The following GRIK1 variants were observed in gnomAD, a reference collection of about 807,000 sequenced individuals.
GRIK1 encodes glutamate receptor ionotropic, kainate 1.
In GRIK1, 69 loss-of-function variants were observed where a neutral mutation model predicts 105.7. The ratio of observed to expected loss-of-function variants is 0.65; its 90% CI spans 0.54 to 0.80. The LOEUF (loss-of-function observed/expected upper bound fraction) is 0.80, where lower values mean the gene tolerates loss of function less well. GRIK1 is among the 30% of genes least tolerant of loss of function. The probability of loss-of-function intolerance (pLI) is 0.00; values close to 1 mark genes in which losing one functional copy is unlikely to be tolerated. For synonymous variants in GRIK1, 438 were observed against 431.3 expected, an observed-to-expected ratio of 1.02 and a Z score of -0.19; for missense variants, 1,109 against 1,167.3, an observed-to-expected ratio of 0.95 and a Z score of 0.73.
chr21:29,733,582 A>T (rs1175289178), intron 1 of GRIK1, among the ~76,000 whole-genome samples: 1 of 152,080 alleles, frequency 6.6e-6, no homozygotes, highest in Non-Finnish European at 1.5e-5. Context: ...AATTATATTC[A>T]TTAAACTAAA....
At chr21:29,789,936 T>C (rs980607669) in intron 1 of GRIK1, among the ~76,000 whole-genome samples, 5 of 152,248 alleles carry the variant, frequency 3.3e-5, no homozygotes, top group Admixed American at 2.6e-4. Context: ...TAAGCTGTAT[T>C]CAATGCTCAC....
rs150911443 is a variant in GRIK1 at position 29,746,530 on chromosome 21, T to C, written c.119-52467A>G. On this transcript the variant is annotated intron_variant, in intron 1 of 17. Coordinates refer to ENST00000327783, the MANE Select transcript of GRIK1 (RefSeq NM_001330994.2). ...CTCATTTTCTCTGTCTACACACATG[T>C]GCACACTAACACATGTATTGATATC... 1.9e-3 allele frequency among the ~76,000 whole-genome samples: 297 copies of C among 152,376 alleles called. 1 individual carries two copies. Among genetic ancestry groups the C allele is most frequent in the African/African-American group, 6.8e-3 (284 of 41,594 alleles).
intron 1 of GRIK1, among the ~76,000 whole-genome samples, chr21:29,836,306 T>C (rs931922538): frequency 1.3e-5 from 2 of 152,128 alleles, no homozygotes; most frequent in Admixed American, 6.6e-5. Context: ...AGGATAGCTA[T>C]GTAAAAGTAC....
At chr21:29,749,763 A>G (rs770551161) in intron 1 of GRIK1, among the ~76,000 whole-genome samples, 40 of 152,222 alleles carry the variant, frequency 2.6e-4, no homozygotes, top group Non-Finnish European at 3.2e-4. Context: ...AACTGCTTAT[A>G]TATTTCAACT....
At chr21:29,547,022 C>T (rs901265693) in intron 16 of GRIK1, among the ~76,000 whole-genome samples, 4 of 152,198 alleles carry the variant, frequency 2.6e-5, no homozygotes, top group African/African-American at 7.2e-5. Context: ...CCTATGAGGT[C>T]CAGTCTCATT....
At chr21:29,937,608 T>C (rs1359686088) in intron 1 of GRIK1, among the ~76,000 whole-genome samples, 2 of 152,144 alleles carry the variant, frequency 1.3e-5, no homozygotes, top group Non-Finnish European at 2.9e-5. Context: ...GTGGGGGATA[T>C]AGGAAAGGAA....
intron 7 of GRIK1, among the ~76,000 whole-genome samples, chr21:29,615,351 T>C (rs1018772570): frequency 8.8e-5 from 13 of 147,504 alleles, no homozygotes; most frequent in African/African-American, 3.0e-4. Context: ...TTGCTCTCTC[T>C]CAGGCTGGAG....
At chr21:29,561,480 C>G (rs2090478182) in intron 15 of GRIK1, 144 bp downstream of exon 15, 2 of 605,664 alleles carry the variant, frequency 3.3e-6, no homozygotes, top group Non-Finnish European at 3.0e-6. Flanking sequence ...TGTCTCTGAT[C>G]TATATGGATG....
At chr21:29,789,932 G>C (rs553481406) in intron 1 of GRIK1, among the ~76,000 whole-genome samples, 270 of 152,338 alleles carry the variant, frequency 1.8e-3, no homozygotes, top group African/African-American at 6.4e-3. Context: ...CCCATAAGCT[G>C]TATTCAATGC....
chr21:29,673,604 G>A (rs1055716879), intron 3 of GRIK1, among the ~76,000 whole-genome samples: 4 of 152,138 alleles, frequency 2.6e-5, no homozygotes, highest in African/African-American at 4.8e-5. Context: ...CTTTTATTAA[G>A]TATTTATATA....
intron 1 of GRIK1, among the ~76,000 whole-genome samples, chr21:29,806,712 G>A (rs112213038): frequency 2.0e-4 from 31 of 152,136 alleles, no homozygotes; most frequent in African/African-American, 6.5e-4. Context: ...CTTACCTTGC[G>A]CTGGGCACTG....
intron 1 of GRIK1, among the ~76,000 whole-genome samples, chr21:29,706,989 A>G (rs1014344179): frequency 3.9e-5 from 6 of 152,056 alleles, no homozygotes; most frequent in East Asian, 3.9e-4. Context: ...CTCGGCCTCC[A>G]AAGTAGCTTG....
At chr21:29,723,344 T>A (rs1420914743) in intron 1 of GRIK1, among the ~76,000 whole-genome samples, 1 of 152,248 alleles carries the variant, frequency 6.6e-6, no homozygotes, top group African/African-American at 2.4e-5. Flanking sequence ...TTAACTGTTA[T>A]AATTATTACA....
At chr21:29,560,574 T>TTCTCTCTCTCTCTCTCTC (rs757906994) in intron 15 of GRIK1, among the ~76,000 whole-genome samples, 7 of 124,178 alleles carry the variant, frequency 5.6e-5, no homozygotes, top group African/African-American at 2.4e-4. Context: ...CTTTCTTTCT[T>TTCTCTCTCTCTCTCTCTC]TCTCTCTTTC....
chr21:29,829,239 T>C (rs75152880), intron 1 of GRIK1, among the ~76,000 whole-genome samples: 3,273 of 152,306 alleles, frequency 0.021, 59 homozygotes, highest in South Asian at 0.061. Context: ...GGCTTGCTCA[T>C]ATTCATCACT....
At position 29,612,780 on chromosome 21, in the gene GRIK1, C is replaced by T. The variant is rs1327469965; in HGVS notation, c.1099-13843G>A. 2.0e-5 allele frequency among the ~76,000 whole-genome samples: 3 copies of T among 152,156 alleles called. No individual in the cohort carries two copies. In the East Asian group the frequency reaches 5.8e-4, roughly 29 times the overall value. On this transcript the variant is annotated intron_variant, in intron 7 of 17. Coordinates refer to ENST00000327783, the MANE Select transcript of GRIK1 (RefSeq NM_001330994.2). The stretch of plus-strand genomic sequence containing the variant: ...ACCAAAAAGAATCACATTGCATTTA[C>T]AATTTTAAAAATACCGCTAATAGGC...
chr21:29,622,559 A>T (rs775619504), intron 7 of GRIK1, among the ~76,000 whole-genome samples: 11 of 152,114 alleles, frequency 7.2e-5, no homozygotes, highest in Non-Finnish European at 1.5e-4. Flanking sequence ...TGCCAGGGAG[A>T]TCCTGTCCCA....
intron 1 of GRIK1, among the ~76,000 whole-genome samples, chr21:29,872,576 C>T (rs1262839992): frequency 1.3e-5 from 2 of 152,112 alleles, no homozygotes; most frequent in African/African-American, 4.8e-5. Context: ...AGTCTGTTCT[C>T]ACACTGCTGA....
In GRIK1 at chr21:29,537,840, T is replaced by A; in HGVS notation, c.2652A>T (p.Val884=). Residue 884 remains valine, a synonymous_variant, in exon 17 of 18, where the codon GTA becomes GTT. Coordinates refer to ENST00000327783, the MANE Select transcript of GRIK1 (RefSeq NM_001330994.2). ...TTTGTTTTTTTCTCCCATGAAACCT[T>A]ACTTTGTTCCTAAAATAAAATCTAA... The part of the protein sequence containing the change: ...SRIRFYFRNK[V]RFHGRKKQSL... The A allele has an allele frequency of 6.5e-7, 1 of 1,528,664 alleles. No individual in the cohort carries two copies. The highest frequency in any genetic ancestry group is 9.0e-7 in the Non-Finnish European group (1 of 1,105,582). The allele number at this position is 1,528,664 out of a possible 1,614,324, so 94.7% of individuals were successfully genotyped here. A position where few individuals can be genotyped will look rare whatever the true frequency, so the allele number is the denominator to read the frequency against.
Sources: gnomAD v4.1 joint callset for allele counts (sites outside exome capture counted in the v4.1 genomes callset) on GRCh38, gnomAD v4.1.1 for gene constraint, MANE v1.5 for transcripts, NCBI Gene and HGNC (gene_info 2026-07-23, HGNC 2026-07-21) for gene names.